Variants in LOXL2 observed in about 807,000 individuals in gnomAD.
LOXL2 encodes the protein lysyl oxidase homolog 2.
A neutral mutation model predicts 93.0 loss-of-function variants in LOXL2; 70 were observed. The observed-to-expected ratio is 0.75, with a 90% confidence interval of 0.62 to 0.92. The LOEUF is 0.92. Ranked by LOEUF, LOXL2 falls within the 40% of genes least tolerant of loss-of-function variation. The probability of loss-of-function intolerance (pLI) is 0.00; values close to 1 mark genes in which losing one functional copy is unlikely to be tolerated. For missense variants in LOXL2, 973 were observed against 1,054.9 expected, an observed-to-expected ratio of 0.92 and a Z score of 1.08; for synonymous variants, 438 against 413.2, an observed-to-expected ratio of 1.06 and a Z score of -0.73.
rs919922663 is a variant in LOXL2, at chr8:23,368,579, C to T, written c.-83-145G>A. The T allele has an allele frequency of 6.8e-6, 4 of 586,012 alleles. No individual in the cohort carries two copies. In the East Asian group the frequency reaches 1.1e-4, roughly 17 times the overall value. 36.3% of individuals were successfully genotyped at this position (586,012 alleles called of 1,614,324 possible). ...TCCAGCCCCACTCCTACATTTCCAC[C>T]ATGCAGGGCTGGGAGGTCCCACCTC... is the stretch of plus-strand genomic sequence containing the variant. On this transcript the variant is annotated intron_variant, in intron 1 of 13. Transcript: ENST00000389131.
At chr8:23,321,390 A>G (rs1803494877) in intron 7 of LOXL2, among the ~76,000 whole-genome samples, 1 of 152,246 alleles carries the variant, frequency 6.6e-6, no homozygotes, top group South Asian at 2.1e-4. Context: ...TTTCTAGAGA[A>G]GACTGGAGCG....
intron 10 of LOXL2, among the ~76,000 whole-genome samples, chr8:23,305,601 G>C (rs1170680868): frequency 6.6e-6 from 1 of 151,786 alleles, no homozygotes; most frequent in Non-Finnish European, 1.5e-5. Flanking sequence ...GGCGAGGAAG[G>C]TATTCCTCCT....
At chr8:23,299,894 G>A (rs1229887516) in intron 12 of LOXL2, among the ~76,000 whole-genome samples, 2 of 152,246 alleles carry the variant, frequency 1.3e-5, no homozygotes, top group South Asian at 2.1e-4. Context: ...CCTGGCAGCC[G>A]GCCCTCTGCT....
At chr8:23,318,241 C>T (rs995948174) in intron 8 of LOXL2, among the ~76,000 whole-genome samples, 1 of 151,796 alleles carries the variant, frequency 6.6e-6, no homozygotes, top group Non-Finnish European at 1.5e-5. Context: ...CACAGACTGA[C>T]TTCAGACTCT....
At chr8:23,341,820 T>C (rs1455961206) in intron 3 of LOXL2, among the ~76,000 whole-genome samples, 1 of 152,140 alleles carries the variant, frequency 6.6e-6, no homozygotes, top group Non-Finnish European at 1.5e-5. Context: ...ACGAAGCAGA[T>C]ATTCCTGGTG....
chr8:23,352,846 G>T (rs1008037976), intron 3 of LOXL2, among the ~76,000 whole-genome samples: 1 of 151,950 alleles, frequency 6.6e-6, no homozygotes, highest in African/African-American at 2.4e-5. Context: ...CTCCTGGGCT[G>T]CCCACTTTCA....
chr8:23,298,557 A>C (rs1489950339), intron 13 of LOXL2, among the ~76,000 whole-genome samples: 3 of 152,232 alleles, frequency 2.0e-5, no homozygotes, highest in Non-Finnish European at 4.4e-5. Flanking sequence ...GGTCACATAC[A>C]TAATGAGCCA....
intron 1 of LOXL2, among the ~76,000 whole-genome samples, chr8:23,375,116 T>G (rs1318580745): frequency 1.3e-5 from 2 of 152,128 alleles, no homozygotes; most frequent in African/African-American, 4.8e-5. Context: ...TTGAATTAAT[T>G]TTTGTATAAG....
chr8:23,309,557 GGC>G (rs1410864248), intron 10 of LOXL2, 109 bp downstream of exon 10: 12 of 1,228,304 alleles, frequency 9.8e-6, no homozygotes, highest in Non-Finnish European at 1.3e-5. Flanking sequence ...CCTATCCCCA[GGC>G]CATGCAGCCT....
intron 5 of LOXL2, among the ~76,000 whole-genome samples, chr8:23,332,300 C>A: frequency 8.2e-6 from 1 of 121,932 alleles, no homozygotes; most frequent in Middle Eastern, 4.2e-3. Flanking sequence ...CCCCCACACA[C>A]ACTCATACAC....
At chr8:23,304,442 T>C (rs1002231484) in intron 10 of LOXL2, among the ~76,000 whole-genome samples, 2 of 152,188 alleles carry the variant, frequency 1.3e-5, no homozygotes, top group African/African-American at 4.8e-5. Flanking sequence ...GCAACGAGCA[T>C]GTCACAAGTG....
At chr8:23,376,497 T>A (rs145671609) in intron 1 of LOXL2, among the ~76,000 whole-genome samples, 18,409 of 152,164 alleles carry the variant, frequency 0.12, 1,370 homozygotes, top group Admixed American at 0.18. Flanking sequence ...TTGATTGGAA[T>A]AGTTTCAGAA....
intron 6 of LOXL2, among the ~76,000 whole-genome samples, chr8:23,323,426 CTCTT>C (rs1803529005): frequency 6.6e-6 from 1 of 152,220 alleles, no homozygotes; most frequent in African/African-American, 2.4e-5. Context: ...CTGCACTGTC[CTCTT>C]TCTGCCTCCA....
intron 7 of LOXL2, among the ~76,000 whole-genome samples, chr8:23,321,400 G>A (rs116999632): frequency 5.7e-4 from 87 of 152,342 alleles, no homozygotes; most frequent in African/African-American, 1.9e-3. Flanking sequence ...AGACTGGAGC[G>A]CACAGTGTAG....
In LOXL2 at chr8:23,397,526, C is replaced by A. The variant is rs150136602; in HGVS notation, c.-84+6428G>T. Among the ~76,000 whole-genome samples the A allele has an allele frequency of 5.3e-3, 800 of 152,260 alleles. 50 individuals carry two copies. The East Asian group carries it at 0.13, about 24-fold the overall frequency. On this transcript the variant is annotated intron_variant, in intron 1 of 13. Transcript: ENST00000389131. ...AGGCACAGTGGCTCACGCCTGTAAT[C>A]CCAGCACTTTGGGAGGCCCAGGCGG... is the stretch of plus-strand genomic sequence containing the variant.
chr8:23,356,852 T>C (rs1486316271), intron 3 of LOXL2, among the ~76,000 whole-genome samples: 1 of 152,194 alleles, frequency 6.6e-6, no homozygotes, highest in Admixed American at 6.5e-5. Context: ...CCCATGCTCC[T>C]TGCCTTGGAA....
At position 23,346,645 on chromosome 8, in the gene LOXL2, T is replaced by C. The variant is rs74532956; in HGVS notation, c.532-5442A>G. Among the ~76,000 whole-genome samples, 979 of 152,336 alleles carry C rather than the reference T, an allele frequency of 6.4e-3. 10 individuals carry two copies. The highest frequency in any genetic ancestry group is 0.022 in the African/African-American group (934 of 41,582). ...GGAAAAATCACCCATTTTGAAAGTCTAGCTGGAAGTTGCATCAGGGAAAGG... is the reference window on the plus strand; with the variant it reads ...GGAAAAATCACCCATTTTGAAAGTCCAGCTGGAAGTTGCATCAGGGAAAGG... On this transcript the variant is annotated intron_variant, in intron 3 of 13. Coordinates refer to ENST00000389131, the MANE Select transcript of LOXL2 (RefSeq NM_002318.3).
intron 1 of LOXL2, among the ~76,000 whole-genome samples, chr8:23,380,906 G>A (rs1438575026): frequency 3.3e-5 from 5 of 152,016 alleles, no homozygotes; most frequent in Non-Finnish European, 4.4e-5. Context: ...CCAGCTACTA[G>A]GGAGGCTGAG....
At chr8:23,324,812 T>C (rs1803550731) in intron 6 of LOXL2, among the ~76,000 whole-genome samples, 1 of 152,202 alleles carries the variant, frequency 6.6e-6, no homozygotes, top group Non-Finnish European at 1.5e-5. Flanking sequence ...GCTGGTTACA[T>C]TCAGATTGTA....
Sources: gnomAD v4.1 joint callset for allele counts (sites outside exome capture counted in the v4.1 genomes callset) on GRCh38, gnomAD v4.1.1 for gene constraint, MANE v1.5 for transcripts, NCBI Gene and HGNC (gene_info 2026-07-23, HGNC 2026-07-21) for gene names.